The following PPARGC1A variants were observed in gnomAD, a reference collection of about 807,000 sequenced individuals.
PPARGC1A encodes the protein peroxisome proliferator-activated receptor gamma coactivator 1-alpha.
PPARGC1A carries 25 observed loss-of-function variants against 88.7 expected under a neutral mutation model. The ratio of observed to expected loss-of-function variants is 0.28; its 90% CI spans 0.21 to 0.39. The LOEUF is 0.39. Among genes scored for constraint, PPARGC1A ranks in the 10% least tolerant of loss-of-function variants. The probability of loss-of-function intolerance (pLI) is 1.00; values close to 1 mark genes in which losing one functional copy is unlikely to be tolerated. For missense variants in PPARGC1A, 880 were observed against 968.7 expected, an observed-to-expected ratio of 0.91 and a Z score of 1.22; for synonymous variants, 363 against 355.6, an observed-to-expected ratio of 1.02 and a Z score of -0.24.
At chr4:24,238,606 G>A in the PPARGC1A span, among the ~76,000 whole-genome samples, 4 of 152,092 alleles carry the variant, frequency 2.6e-5, no homozygotes, top group Non-Finnish European at 5.9e-5. Flanking sequence ...CTCTACAAAC[G>A]TAAGTTATTA....
At chr4:23,800,594 T>TTA (rs964278312) in intron 12 of PPARGC1A, among the ~76,000 whole-genome samples, 39 of 150,530 alleles carry the variant, frequency 2.6e-4, no homozygotes, top group Admixed American at 4.6e-4. Flanking sequence ...ATTTGGAAGT[T>TTA]TATATATATA....
intron 2 of PPARGC1A, among the ~76,000 whole-genome samples, chr4:23,844,690 A>T (rs28678741): frequency 2.0e-5 from 2 of 99,944 alleles, no homozygotes; most frequent in African/African-American, 8.8e-5. Context: ...ATATCATATA[A>T]TATATGATCT....
At chr4:24,425,216 T>C in the PPARGC1A span, among the ~76,000 whole-genome samples, 4 of 152,148 alleles carry the variant, frequency 2.6e-5, no homozygotes, top group African/African-American at 7.2e-5. Flanking sequence ...GGTAACAGAT[T>C]ACAGAGGATA....
intron 2 of PPARGC1A, 63 bp downstream of exon 2, chr4:23,884,689 C>T (rs1716561445): frequency 1.4e-6 from 2 of 1,467,358 alleles, no homozygotes; most frequent in Non-Finnish European, 1.9e-6. Flanking sequence ...AGGTCTATTA[C>T]CATGTTAGTC....
chr4:23,865,410 A>T (rs988671706), intron 2 of PPARGC1A, among the ~76,000 whole-genome samples: 2 of 152,170 alleles, frequency 1.3e-5, no homozygotes, highest in Non-Finnish European at 2.9e-5. Flanking sequence ...GAAGACAGAA[A>T]TCACACATAA....
the PPARGC1A span, among the ~76,000 whole-genome samples, chr4:24,123,849 A>G: frequency 6.8e-6 from 1 of 146,748 alleles, no homozygotes; most frequent in African/African-American, 2.5e-5. Context: ...GCCCCACCAT[A>G]CCCAAGCAGT....
intron 2 of PPARGC1A, among the ~76,000 whole-genome samples, chr4:23,838,215 ATCTT>A (rs775648381): frequency 2.0e-5 from 3 of 151,924 alleles, no homozygotes; most frequent in Non-Finnish European, 4.4e-5. Flanking sequence ...CCTCTTCGTT[ATCTT>A]TCTCCTCTAA....
At chr4:24,177,639 AT>A in the PPARGC1A span, among the ~76,000 whole-genome samples, 1 of 119,090 alleles carries the variant, frequency 8.4e-6, no homozygotes, top group African/African-American at 3.3e-5. Context: ...AAATAAATAA[AT>A]AAATAAATAA....
At chr4:24,320,209 AT>A in the PPARGC1A span, among the ~76,000 whole-genome samples, 1 of 152,200 alleles carries the variant, frequency 6.6e-6, no homozygotes, top group Non-Finnish European at 1.5e-5. Context: ...TTCCTGAGAC[AT>A]TTTGTTTCCT....
At chr4:24,162,007 CACA>C in the PPARGC1A span, among the ~76,000 whole-genome samples, 1 of 128,514 alleles carries the variant, frequency 7.8e-6, no homozygotes, top group South Asian at 2.8e-4. Flanking sequence ...CACACACACA[CACA>C]CACCATGGAA....
the PPARGC1A span, among the ~76,000 whole-genome samples, chr4:24,472,617 A>G: frequency 6.6e-6 from 1 of 152,176 alleles, no homozygotes; most frequent in East Asian, 1.9e-4. The surrounding 1 kb of genome is among the most constrained non-coding windows in gnomAD (Gnocchi z 4.5). Flanking sequence ...AGGGAACGGA[A>G]ACTCTCGGCG....
the PPARGC1A span, among the ~76,000 whole-genome samples, chr4:23,947,925 G>A: frequency 1.2e-4 from 19 of 152,248 alleles, no homozygotes; most frequent in East Asian, 3.9e-4. Context: ...AGCAGGAACC[G>A]TGGAACCAAG....
chr4:24,214,029 G>T, the PPARGC1A span, among the ~76,000 whole-genome samples: 88 of 152,160 alleles, frequency 5.8e-4, no homozygotes, highest in Admixed American at 1.0e-3. Flanking sequence ...TAGCGATCAA[G>T]AAAACACACA....
the PPARGC1A span, among the ~76,000 whole-genome samples, chr4:24,108,687 C>T: frequency 2.0e-5 from 3 of 152,090 alleles, no homozygotes; most frequent in African/African-American, 7.2e-5. Flanking sequence ...GATCTCAGCG[C>T]TGAATCCAGA....
At chr4:24,426,320 A>C in the PPARGC1A span, among the ~76,000 whole-genome samples, 39 of 152,358 alleles carry the variant, frequency 2.6e-4, 1 homozygote, top group African/African-American at 7.9e-4. Flanking sequence ...GGGGAAGAAA[A>C]ACAGGGCTTC....
chr4:24,268,764 T>C, the PPARGC1A span, among the ~76,000 whole-genome samples: 7 of 152,368 alleles, frequency 4.6e-5, no homozygotes, highest in African/African-American at 1.7e-4. Flanking sequence ...TTAAGCAATA[T>C]TTAAAATAAT....
At chr4:24,410,099 C>G in the PPARGC1A span, among the ~76,000 whole-genome samples, 4 of 152,198 alleles carry the variant, frequency 2.6e-5, no homozygotes, top group Non-Finnish European at 4.4e-5. Flanking sequence ...GTATCCGTAA[C>G]TGAAGCAGAT....
chr4:23,974,898 G>A, the PPARGC1A span, among the ~76,000 whole-genome samples: 5 of 137,870 alleles, frequency 3.6e-5, no homozygotes, highest in Non-Finnish European at 7.6e-5. Flanking sequence ...CTCGTGATCC[G>A]CCCACCTCGG....
At chr4:23,989,408 T>G in the PPARGC1A span, among the ~76,000 whole-genome samples, 1 of 152,000 alleles carries the variant, frequency 6.6e-6, no homozygotes, top group South Asian at 2.1e-4. Flanking sequence ...AGCTTTACAT[T>G]TTTAACCTGT....
Sources: gnomAD v4.1 joint callset for allele counts (sites outside exome capture counted in the v4.1 genomes callset) on GRCh38, gnomAD v4.1.1 for gene constraint, Gnocchi (gnomAD v3.1) non-coding constraint, MANE v1.5 for transcripts, NCBI Gene and HGNC (gene_info 2026-07-23, HGNC 2026-07-21) for gene names.